Variants in NSD1 observed in about 807,000 individuals in gnomAD.
NSD1 encodes histone-lysine N-methyltransferase, H3 lysine-36 specific.
Under a neutral mutation model 242.7 loss-of-function variants are expected in NSD1, and 26 were observed. That is an observed-to-expected ratio of 0.11 (90% CI 0.08 to 0.15). The LOEUF is 0.15. NSD1 is among the 10% of genes least tolerant of loss of function. The pLI, the probability that NSD1 is intolerant of heterozygous loss-of-function variation, is 1.00. For synonymous variants in NSD1, 1,106 were observed against 1,178.1 expected (o/e 0.94, Z 1.25); for missense variants, 2,495 against 3,272.8 (o/e 0.76, Z 5.80).
intron 14 of NSD1, chr5:177,266,269 G>A: frequency 2.7e-6 from 2 of 754,534 alleles, no homozygotes; most frequent in African/African-American, 3.4e-5. Flanking sequence ...TCCCCTTGGT[G>A]ATGGTCACCA....
intron 14 of NSD1, among the ~76,000 whole-genome samples, chr5:177,260,697 A>G (rs911217042): frequency 1.3e-5 from 2 of 151,992 alleles, no homozygotes; most frequent in African/African-American, 4.8e-5. Flanking sequence ...GAGAGGTTTT[A>G]TTTTTCTTAT....
At chr5:177,181,426 G>T (rs1009437011) in intron 2 of NSD1, among the ~76,000 whole-genome samples, 1,549 of 119,718 alleles carry the variant, frequency 0.013, 16 homozygotes, top group African/African-American at 0.023. Flanking sequence ...GTTTTTTTTT[G>T]GTTTTTTTTT....
Position 177,269,896 on chromosome 5 carries a change from T to A in NSD1, c.5509+89T>A. On this transcript the variant is annotated intron_variant, in intron 16 of 22. Coordinates refer to ENST00000439151, the MANE Select transcript of NSD1 (RefSeq NM_022455.5). The surrounding 1 kb of genome is among the most constrained non-coding windows in gnomAD (Gnocchi z 5.1). Reference sequence around the variant, plus strand: ...TTTTAGAATTCACATATGCTCCATTTTGAAACTGCCTTTGTCCTCTCAGGG... The same window carrying A: ...TTTTAGAATTCACATATGCTCCATTATGAAACTGCCTTTGTCCTCTCAGGG... 1 of 1,163,922 alleles carries A rather than the reference T, an allele frequency of 8.6e-7. No individual in the cohort carries two copies. The highest frequency in any genetic ancestry group is 1.2e-6 in the Non-Finnish European group (1 of 815,276). 72.1% of individuals were successfully genotyped at this position (1,163,922 alleles called of 1,614,324 possible).
rs540511671 is a variant in NSD1, at chr5:177,265,848, G to C, written c.5147-1714G>C. On this transcript the variant is annotated intron_variant, in intron 14 of 22. Coordinates refer to ENST00000439151, the MANE Select transcript of NSD1 (RefSeq NM_022455.5). ...ATGTTGAAGTAGGCCACCTGGGTGT[G>C]CACGTAGTCATTCTGCTTCACTTGC... 2.9e-5 allele frequency: 42 copies of C among 1,426,532 alleles called. No homozygotes were observed. In the East Asian group the frequency reaches 9.6e-4, roughly 32 times the overall value. The allele number at this position is 1,426,532 out of a possible 1,614,324, so 88.4% of individuals were successfully genotyped here.
intron 5 of NSD1, among the ~76,000 whole-genome samples, chr5:177,224,514 A>G (rs1490542735): frequency 6.6e-6 from 1 of 151,934 alleles, no homozygotes; most frequent in Admixed American, 6.6e-5. Context: ...TATTAATACA[A>G]ACATTTTGTA....
Position 177,238,257 on chromosome 5 carries a change from G to A in NSD1, c.3942G>A (p.Glu1314=), listed in dbSNP as rs1201018602. The change falls in exon 7 of 23, where the codon GAG becomes GAA. Residue 1314 remains glutamate, a synonymous_variant. Coordinates refer to ENST00000439151, the MANE Select transcript of NSD1 (RefSeq NM_022455.5). This position sits in a 1 kb window ranked among gnomAD's most constrained non-coding sequence, Gnocchi z 4.6. ...QVHKVSSRCE[E]ESLLARGRSS... ...CTTAGGTAAGTTCCCGCTGTGAAGA[G>A]GAAAGCCTTCTAGCCCGAGGTCGAT... 6.2e-7 allele frequency: 1 copy of A among 1,614,158 alleles called. No individual in the cohort carries two copies. Among genetic ancestry groups the A allele is most frequent in the South Asian group, 1.1e-5 (1 of 91,080 alleles).
chr5:177,267,685 G>A lies in NSD1; in HGVS notation c.5270G>A (p.Arg1757Lys). 6.2e-7 allele frequency: 1 copy of A among 1,614,028 alleles called. No individual in the cohort carries two copies. The highest frequency in any genetic ancestry group is 8.5e-7 in the Non-Finnish European group (1 of 1,179,976). The stretch of plus-strand genomic sequence containing the variant: ...AAAGCAGGCAAAAAGCCACACTACA[G>A]GGAGATTGTCTGGGTAAAAGTTGGA... ...DCKAGKKPHY[R>K]EIVWVKVGRY... The change falls in exon 15 of 23, where the codon AGG (arginine) becomes AAG (lysine). Residue 1757 changes from arginine to lysine, a missense_variant. By Grantham distance (26) the Arg-to-Lys change is conservative (BLOSUM62 2). This residue lies in a region of NSD1 where 25 missense variants were observed against 49.7 expected (regional missense o/e 0.50). Transcript: ENST00000439151.
At chr5:177,133,222 C>T, upstream of NSD1, 1 of 152,852 alleles carries the variant, frequency 6.5e-6, no homozygotes, top group Non-Finnish European at 1.5e-5. The surrounding 1 kb of genome is among the most constrained non-coding windows in gnomAD (Gnocchi z 6.2). Context: ...AGGGCAGGTG[C>T]CCAGTGGATG....
intron 5 of NSD1, among the ~76,000 whole-genome samples, chr5:177,220,115 G>T (rs1345389943): frequency 6.6e-6 from 1 of 152,062 alleles, no homozygotes; most frequent in Non-Finnish European, 1.5e-5. Context: ...CTTCATTGTG[G>T]TTCTCTCCAT....
chr5:177,285,518 C>T (rs566669741), intron 20 of NSD1, among the ~76,000 whole-genome samples: 1 of 128,194 alleles, frequency 7.8e-6, no homozygotes, highest in Non-Finnish European at 1.6e-5. Context: ...GAGCCGAGAT[C>T]GTGCCACTGC....
At chr5:177,149,288 G>C (rs1028198112) in intron 2 of NSD1, among the ~76,000 whole-genome samples, 1 of 151,520 alleles carries the variant, frequency 6.6e-6, no homozygotes, top group Non-Finnish European at 1.5e-5. Context: ...ATGCCATCTC[G>C]GTTCACTGCA....
chr5:177,191,853 T>TAAAAA (rs751938581), intron 2 of NSD1, 31 bp from the exon 3 acceptor site: 1 of 1,611,914 alleles, frequency 6.2e-7, no homozygotes, highest in Admixed American at 1.7e-5. Context: ...TTTTGATTCT[T>TAAAAA]ATTGATGCCC....
chr5:177,137,667 CTT>C (rs765116945), intron 2 of NSD1, among the ~76,000 whole-genome samples: 2 of 151,942 alleles, frequency 1.3e-5, no homozygotes, highest in Non-Finnish European at 2.9e-5. Flanking sequence ...TATATCGTGT[CTT>C]TGTTTTTGCA....
intron 9 of NSD1, 103 bp from the exon 10 acceptor site, chr5:177,246,575 A>G (rs1217579010): frequency 1.2e-6 from 1 of 804,648 alleles, no homozygotes; most frequent in Non-Finnish European, 2.2e-6. Context: ...AAAGCTGGAG[A>G]ATTAAATGAG....
chr5:177,239,698 A>G, intron 7 of NSD1, 58 bp from the exon 8 acceptor site: 1 of 1,042,212 alleles, frequency 9.6e-7, no homozygotes, highest in South Asian at 1.3e-5. Flanking sequence ...CAGATTTTTT[A>G]AAAATTAACT....
chr5:177,236,032 A>G (rs1765412313), intron 6 of NSD1, 87 bp downstream of exon 6: 2 of 1,430,452 alleles, frequency 1.4e-6, no homozygotes, highest in South Asian at 2.3e-5. Flanking sequence ...TTCATGAAAC[A>G]ATAATTTCCT....
intron 3 of NSD1, among the ~76,000 whole-genome samples, chr5:177,199,785 C>T (rs1454889850): frequency 1.3e-5 from 2 of 151,012 alleles, no homozygotes; most frequent in Non-Finnish European, 3.0e-5. Flanking sequence ...TTAGTAGAGA[C>T]GGGGTTTCAC....
chr5:177,171,044 G>T (rs901785925), intron 2 of NSD1, among the ~76,000 whole-genome samples: 1 of 151,160 alleles, frequency 6.6e-6, no homozygotes, highest in Non-Finnish European at 1.5e-5. Flanking sequence ...GAAACCGGGC[G>T]GGGCGTGGTG....
chr5:177,291,235 T>G (rs374291053), intron 21 of NSD1, among the ~76,000 whole-genome samples: 1 of 152,240 alleles, frequency 6.6e-6, no homozygotes, highest in African/African-American at 2.4e-5. Flanking sequence ...GACCATGAAT[T>G]AACTTTTTTG....
Sources: allele counts gnomAD v4.1 joint callset (sites outside exome capture counted in the v4.1 genomes callset), GRCh38; gene constraint gnomAD v4.1.1; regional missense constraint gnomAD v4.1.1; non-coding constraint Gnocchi (gnomAD v3.1); transcripts MANE v1.5; gene names NCBI Gene and HGNC (gene_info 2026-07-23, HGNC 2026-07-21).